Variants in GLTP observed in about 807,000 individuals in gnomAD.
GLTP encodes the protein glycolipid transfer protein.
A neutral mutation model predicts 24.0 loss-of-function variants in GLTP; 22 were observed. The observed-to-expected ratio is 0.92, with a 90% confidence interval of 0.65 to 1.31. The LOEUF is 1.31. Ranked by LOEUF, GLTP falls within the 50% of genes most tolerant of loss-of-function variation. GLTP has a pLI of 0.00. For synonymous variants in GLTP, 92 were observed against 115.9 expected, an observed-to-expected ratio of 0.79 and a Z score of 1.33; for missense variants, 224 against 276.6, an observed-to-expected ratio of 0.81 and a Z score of 1.35.
In GLTP at chr12:109,851,736, G is replaced by T. The variant is rs1356339562; in HGVS notation, c.*819C>A. ...CTGCCTCAGCCTCCCAAGAAGATGG[G>T]ATTACAGGCGTGCGCTACCATGCCT... On this transcript the variant is annotated 3_prime_UTR_variant, in exon 5 of 5. Coordinates refer to ENST00000318348, the MANE Select transcript of GLTP (RefSeq NM_016433.4). 2 of 151,576 alleles carry T rather than the reference G, an allele frequency of 1.3e-5. No individual in the cohort carries two copies. The highest frequency in any genetic ancestry group is 2.9e-5 in the Non-Finnish European group (2 of 67,966). 9.4% of individuals were successfully genotyped at this position (151,576 alleles called of 1,614,324 possible).
At chr12:109,861,624 T>C (rs978831355) in intron 1 of GLTP, among the ~76,000 whole-genome samples, 5 of 152,006 alleles carry the variant, frequency 3.3e-5, no homozygotes, top group Non-Finnish European at 7.4e-5. Context: ...AGCAGGTGCC[T>C]GTAGTTCCAG....
intron 1 of GLTP, among the ~76,000 whole-genome samples, chr12:109,877,747 C>T (rs1275387606): frequency 6.6e-6 from 1 of 152,106 alleles, no homozygotes; most frequent in Non-Finnish European, 1.5e-5. Context: ...TCCCGGTGAC[C>T]AGACGCTCCC....
chr12:109,866,562 C>T (rs1301507700), intron 1 of GLTP: 1 of 152,126 alleles, frequency 6.6e-6, no homozygotes, highest in Non-Finnish European at 1.5e-5. Context: ...CTGGATGGAA[C>T]TCATCAAAAT....
chr12:109,863,217 CCA>C (rs1278809348), intron 1 of GLTP, among the ~76,000 whole-genome samples: 2 of 117,436 alleles, frequency 1.7e-5, no homozygotes, highest in Non-Finnish European at 3.7e-5. Context: ...TTCAGCTTCG[CCA>C]CATGTTTGAA....
chr12:109,878,680 C>G (rs1408148828), intron 1 of GLTP, among the ~76,000 whole-genome samples: 2 of 152,120 alleles, frequency 1.3e-5, no homozygotes, highest in Non-Finnish European at 2.9e-5. Context: ...CGCTCCCAAG[C>G]CCCCACCTGG....
In GLTP at chr12:109,855,531, AG is replaced by A. The variant is rs1202949551; in HGVS notation, c.447+87del. 3 of 1,213,048 alleles carry A rather than the reference AG, an allele frequency of 2.5e-6. No homozygotes were observed. The highest frequency in any genetic ancestry group is 3.4e-6 in the Non-Finnish European group (3 of 876,278). The allele number at this position is 1,213,048 out of a possible 1,614,324, so 75.1% of individuals were successfully genotyped here. On this transcript the variant is annotated intron_variant, in intron 4 of 4. Coordinates refer to ENST00000318348, the MANE Select transcript of GLTP (RefSeq NM_016433.4). This position sits in a 1 kb window ranked among gnomAD's most constrained non-coding sequence, Gnocchi z 4.1. ...CCCGAGGGGGTAAACACAGCCTCAC[AG>A]GCCAGGAGGCCTCGGCTAAGCAGGG... is the stretch of plus-strand genomic sequence containing the variant.
chr12:109,872,175 A>C (rs1372993820), intron 1 of GLTP, among the ~76,000 whole-genome samples: 1 of 152,246 alleles, frequency 6.6e-6, no homozygotes, highest in Non-Finnish European at 1.5e-5. Flanking sequence ...AGACTTAAGC[A>C]GCCATGCAGC....
At chr12:109,875,715 A>G (rs1453175120) in intron 1 of GLTP, among the ~76,000 whole-genome samples, 1 of 152,198 alleles carries the variant, frequency 6.6e-6, no homozygotes, top group African/African-American at 2.4e-5. Flanking sequence ...GGAGATTCCA[A>G]TTGGAGATAA....
In GLTP at chr12:109,880,164, CAG is replaced by C. The variant is rs1869025518; in HGVS notation, c.103+106_103+107del. On this transcript the variant is annotated intron_variant, in intron 1 of 4. Transcript: ENST00000318348. This position sits in a 1 kb window ranked among gnomAD's most constrained non-coding sequence, Gnocchi z 5.1. ...AGAGGATCTTGGGTGCCTGGGGAAA[CAG>C]TACTTAGGGGTGTCTAGGGCAGAGA... 1.6e-6 allele frequency: 1 copy of C among 629,152 alleles called. No individual in the cohort carries two copies. Among genetic ancestry groups the C allele is most frequent in the Non-Finnish European group, 2.8e-6 (1 of 357,966 alleles). The allele number at this position is 629,152 out of a possible 1,614,324, so 39.0% of individuals were successfully genotyped here. A position where few individuals can be genotyped will look rare whatever the true frequency, so the allele number is the denominator to read the frequency against.
chr12:109,863,879 C>T (rs1404183970), intron 1 of GLTP, among the ~76,000 whole-genome samples: 1 of 152,218 alleles, frequency 6.6e-6, no homozygotes, highest in East Asian at 1.9e-4. Context: ...GGCTTATTAG[C>T]TTTTCTTAAT....
chr12:109,875,008 C>G (rs1346244345), intron 1 of GLTP, among the ~76,000 whole-genome samples: 1 of 152,110 alleles, frequency 6.6e-6, no homozygotes, highest in East Asian at 1.9e-4. Flanking sequence ...GGTGATCTGC[C>G]CGCCTCAGCC....
intron 1 of GLTP, among the ~76,000 whole-genome samples, chr12:109,878,768 G>C (rs1326411738): frequency 2.0e-5 from 3 of 152,204 alleles, no homozygotes; most frequent in Admixed American, 1.3e-4. Context: ...CTGAGCATCT[G>C]CTATGTGCCA....
intron 1 of GLTP, among the ~76,000 whole-genome samples, chr12:109,873,583 G>A (rs1052356944): frequency 8.2e-5 from 12 of 146,708 alleles, no homozygotes; most frequent in South Asian, 2.1e-4. Flanking sequence ...GCAGTGAGCC[G>A]AGATCGTGCC....
chr12:109,864,550 A>C lies in GLTP; in HGVS notation c.104-5809T>G, dbSNP rs1452815474. Among the ~76,000 whole-genome samples, 4 of 152,180 alleles carry C rather than the reference A, an allele frequency of 2.6e-5. No homozygotes were observed. The South Asian group carries it at 8.3e-4, about 32-fold the overall frequency. ...AAGCCTGTTTCAACATCACCCACCC[A>C]AGGCTCTGGGCTTATGTTTGCCTTT... On this transcript the variant is annotated intron_variant, in intron 1 of 4. Transcript: ENST00000318348.
Position 109,857,699 on chromosome 12 carries a change from C to A in GLTP, c.163-40G>T, listed in dbSNP as rs931803495. The A allele has an allele frequency of 1.2e-6, 2 of 1,612,058 alleles. No individual in the cohort carries two copies. The highest frequency in any genetic ancestry group is 4.5e-5 in the East Asian group (2 of 44,878). ...ACAAGATTTCCCCTTGGGTAAGCTG[C>A]CCCCATAGACATCTGGCCCGCACGC... On this transcript the variant is annotated intron_variant, in intron 2 of 4. Transcript: ENST00000318348. The surrounding 1 kb of genome is among the most constrained non-coding windows in gnomAD (Gnocchi z 4.3).
Position 109,852,603 on chromosome 12 carries a change from G to A in GLTP, c.582C>T (p.Ile194=). The A allele has an allele frequency of 6.2e-7, 1 of 1,609,572 alleles. No homozygotes were observed. Residue 194 remains isoleucine (I), a synonymous_variant, in exon 5 of 5, where the codon ATC becomes ATT. Coordinates refer to ENST00000318348, the MANE Select transcript of GLTP (RefSeq NM_016433.4). ...LVNYTATIDV[I]YEMYTQMNAE... ...CGTTCATCTGGGTGTACATCTCGTA[G>A]ATGACATCGATGGTCGCCGTGTAGT...
chr12:109,864,249 A>G (rs1246160452), intron 1 of GLTP, among the ~76,000 whole-genome samples: 1 of 152,232 alleles, frequency 6.6e-6, no homozygotes, highest in African/African-American at 2.4e-5. Context: ...ACAGGGAGCC[A>G]CCAGCAGGAA....
chr12:109,854,180 G>A (rs1892763934), intron 4 of GLTP, among the ~76,000 whole-genome samples: 1 of 151,776 alleles, frequency 6.6e-6, no homozygotes, highest in Non-Finnish European at 1.5e-5. Context: ...GCAACATGGT[G>A]AAATCTCGTC....
At position 109,851,262 on chromosome 12, in the gene GLTP, G is replaced by T. The variant is rs979094639; in HGVS notation, c.*1293C>A. The stretch of plus-strand genomic sequence containing the variant: ...AATAATTCTGCAGAAGAATGCAAAC[G>T]GAGTCATCTATGGTCAATTGTTTGT... On this transcript the variant is annotated 3_prime_UTR_variant, in exon 5 of 5. Coordinates refer to ENST00000318348, the MANE Select transcript of GLTP (RefSeq NM_016433.4). 2.0e-5 allele frequency: 3 copies of T among 152,510 alleles called. No homozygotes were observed. The highest frequency in any genetic ancestry group is 4.8e-5 in the African/African-American group (2 of 41,430). 9.4% of individuals were successfully genotyped at this position (152,510 alleles called of 1,614,324 possible).
Sources: allele counts gnomAD v4.1 joint callset (sites outside exome capture counted in the v4.1 genomes callset), GRCh38; gene constraint gnomAD v4.1.1; non-coding constraint Gnocchi (gnomAD v3.1); transcripts MANE v1.5; gene names NCBI Gene and HGNC (gene_info 2026-07-23, HGNC 2026-07-21).